CCR7: variants seen among roughly 807,000 people sequenced by gnomAD.
CCR7 encodes C-C motif chemokine receptor 7.
Under a neutral mutation model 26.0 loss-of-function variants are expected in CCR7, and 11 were observed. The observed-to-expected ratio is 0.42, with a 90% CI of 0.27 to 0.70. CCR7 has a LOEUF of 0.70. CCR7 is among the 30% of genes least tolerant of loss of function. CCR7 has a pLI of 0.23. For missense variants in CCR7, 360 were observed against 504.0 expected, an observed-to-expected ratio of 0.71 and a Z score of 2.74; for synonymous variants, 189 against 202.1, an observed-to-expected ratio of 0.94 and a Z score of 0.55.
chr17:40,561,387 G>A (rs991383342), intron 1 of CCR7, among the ~76,000 whole-genome samples: 3 of 152,152 alleles, frequency 2.0e-5, no homozygotes, highest in Admixed American at 1.3e-4. Flanking sequence ...AAGGGAGCCT[G>A]GTCAGTGGCC....
chr17:40,555,057 G>A lies in CCR7; in HGVS notation c.822C>T (p.Val274=). The A allele has an allele frequency of 6.2e-7, 1 of 1,614,214 alleles. No homozygotes were observed. Among genetic ancestry groups the A allele is most frequent in the Non-Finnish European group, 8.5e-7 (1 of 1,180,040 alleles). Residue 274 remains valine (V), a synonymous_variant, in exon 3 of 3, where the codon GTC becomes GTT. Transcript: ENST00000246657. This position sits in a 1 kb window ranked among gnomAD's most constrained non-coding sequence, Gnocchi z 5.6. ...CCACCCCATTGTAGGGCAGCTGGAA[G>A]ACTATGAAGACCACGACCACAGCGA... ...VIIAVVVVFI[V]FQLPYNGVVL...
At position 40,555,014 on chromosome 17, in the gene CCR7, C is replaced by T; in HGVS notation, c.865G>A (p.Ala289Thr). ...GTGCTACTGGTGATGTTGAAGTTGG[C>T]CACCGTCTGGGCCAGGACCACCCCA... is the stretch of plus-strand genomic sequence containing the variant. The part of the protein sequence containing the change: ...YNGVVLAQTV[A>T]NFNITSSTCE... Residue 289 changes from alanine to threonine, a missense_variant, in exon 3 of 3, where the codon GCC (alanine) becomes ACC (threonine). Transcript: ENST00000246657. The surrounding 1 kb of genome is among the most constrained non-coding windows in gnomAD (Gnocchi z 5.6). 1 of 1,614,180 alleles carries T rather than the reference C, an allele frequency of 6.2e-7. No homozygotes were observed. Among genetic ancestry groups the T allele is most frequent in the Non-Finnish European group, 8.5e-7 (1 of 1,180,044 alleles).
intron 1 of CCR7, among the ~76,000 whole-genome samples, chr17:40,559,406 G>A (rs1036193478): frequency 2.0e-5 from 3 of 152,238 alleles, no homozygotes; most frequent in African/African-American, 7.2e-5. Context: ...GTAGCCACTG[G>A]CCCAGGAGCA....
At chr17:40,565,136 A>G (rs1258319177) in intron 1 of CCR7, among the ~76,000 whole-genome samples, 1 of 152,026 alleles carries the variant, frequency 6.6e-6, no homozygotes, top group Non-Finnish European at 1.5e-5. Context: ...CTGTTTTAGA[A>G]AGACATGATC....
chr17:40,560,552 G>C (rs1029181441), intron 1 of CCR7: 3 of 152,278 alleles, frequency 2.0e-5, no homozygotes, highest in Non-Finnish European at 4.4e-5. Context: ...AGTTCCTCCG[G>C]GAAGGAGAGA....
intron 1 of CCR7, among the ~76,000 whole-genome samples, chr17:40,562,498 G>A (rs2036666020): frequency 1.3e-5 from 2 of 152,146 alleles, no homozygotes; most frequent in African/African-American, 2.4e-5. Flanking sequence ...AAAAGAGCCG[G>A]CCCCACCTCT....
chr17:40,559,013 G>A (rs908516002), intron 1 of CCR7, 71 bp from the exon 2 acceptor site: 1 of 1,293,380 alleles, frequency 7.7e-7, no homozygotes, highest in Non-Finnish European at 1.1e-6. Flanking sequence ...AAGCAGTGGA[G>A]GGGGAGACGC....
intron 1 of CCR7, 108 bp from the exon 2 acceptor site, chr17:40,559,050 A>G: frequency 1.1e-6 from 1 of 870,534 alleles, no homozygotes; most frequent in Non-Finnish European, 1.8e-6. Context: ...CCCAAGCTCC[A>G]GGCACTGTGT....
At chr17:40,559,064 C>G (rs1004822486) in intron 1 of CCR7, 122 bp from the exon 2 acceptor site, 1 of 768,844 alleles carries the variant, frequency 1.3e-6, no homozygotes, top group African/African-American at 1.8e-5. Flanking sequence ...ACTGTGTTTG[C>G]TGAAAGAGAA....
At position 40,558,917 on chromosome 17, in the gene CCR7, C is replaced by G. The variant is rs768892070; in HGVS notation, c.36G>C (p.Val12=). Residue 12 remains valine, a synonymous_variant, in exon 2 of 3, where the codon GTG becomes GTC. Coordinates refer to ENST00000246657, the MANE Select transcript of CCR7 (RefSeq NM_001838.4). ...DLGKPMKSVL[V]VALLVIFQVC... The stretch of plus-strand genomic sequence containing the variant: ...CCTGGAAAATGACAAGGAGAGCCAC[C>G]ACCAGCACGCTTTTCATTGGTTTCC... The G allele has an allele frequency of 6.2e-7, 1 of 1,613,278 alleles. No homozygotes were observed. The highest frequency in any genetic ancestry group is 1.3e-5 in the African/African-American group (1 of 74,950).
At chr17:40,565,142 T>C (rs1200126824) in intron 1 of CCR7, among the ~76,000 whole-genome samples, 1 of 152,078 alleles carries the variant, frequency 6.6e-6, no homozygotes, top group Non-Finnish European at 1.5e-5. Context: ...TAGAAAGACA[T>C]GATCTCGGCC....
Position 40,565,443 on chromosome 17 carries a change from G to C in CCR7, c.-34C>G. On this transcript the variant is annotated 5_prime_UTR_variant, in exon 1 of 3. Coordinates refer to ENST00000246657, the MANE Select transcript of CCR7 (RefSeq NM_001838.4). ...CTGGGCGGTAAAACCACACAGGAAG[G>C]CTGTGCCCGGCCTCGCACTACCCCT... 1 of 1,611,240 alleles carries C rather than the reference G, an allele frequency of 6.2e-7. No homozygotes were observed. Among genetic ancestry groups the C allele is most frequent in the Non-Finnish European group, 8.5e-7 (1 of 1,177,400 alleles).
chr17:40,554,371 G>C lies in CCR7; in HGVS notation c.*371C>G, dbSNP rs567074162. On this transcript the variant is annotated 3_prime_UTR_variant, in exon 3 of 3. Coordinates refer to ENST00000246657, the MANE Select transcript of CCR7 (RefSeq NM_001838.4). ...ATTTGAGTCTGTGGGAGGCCAGAAG[G>C]TTCATTCAGAGGACTCTTCAGGCCA... 5.1e-6 allele frequency: 1 copy of C among 195,166 alleles called. No individual in the cohort carries two copies. Among genetic ancestry groups the C allele is most frequent in the Admixed American group, 5.4e-5 (1 of 18,618 alleles). 12.1% of individuals were successfully genotyped at this position (195,166 alleles called of 1,614,324 possible).
chr17:40,559,705 A>G (rs1357655134), intron 1 of CCR7, among the ~76,000 whole-genome samples: 1 of 152,224 alleles, frequency 6.6e-6, no homozygotes, highest in East Asian at 1.9e-4. Context: ...GCAGGCCCAG[A>G]ATTGAGGAGG....
In CCR7 at chr17:40,557,638, C is replaced by T. The variant is rs115658939; in HGVS notation, c.60+1255G>A. Among the ~76,000 whole-genome samples the T allele has an allele frequency of 3.2e-3, 486 of 152,310 alleles. 2 individuals carry two copies. Among genetic ancestry groups the T allele is most frequent in the African/African-American group, 0.011 (460 of 41,564 alleles). Reference sequence around the variant, plus strand: ...TGGTTACGGCCCAAGGCCTTAGACCCGGGGTCCCTGGACATGAGGGGGTCT... The same window carrying T: ...TGGTTACGGCCCAAGGCCTTAGACCTGGGGTCCCTGGACATGAGGGGGTCT... On this transcript the variant is annotated intron_variant, in intron 2 of 2. Coordinates refer to ENST00000246657, the MANE Select transcript of CCR7 (RefSeq NM_001838.4).
In CCR7 at chr17:40,555,614, G is replaced by T; in HGVS notation, c.265C>A (p.Leu89Ile). The T allele has an allele frequency of 1.2e-6, 2 of 1,614,150 alleles. No homozygotes were observed. The highest frequency in any genetic ancestry group is 1.7e-6 in the Non-Finnish European group (2 of 1,180,026). ...VVLTYIYFKR[L>I]KTMTDTYLLN... is the part of the protein sequence containing the mutation. ...AGGTAGGTATCGGTCATGGTCTTGA[G>T]CCTCTTGAAATAGATATAGGTCAAC... Residue 89 changes from leucine to isoleucine, a missense_variant, in exon 3 of 3, where the codon CTC becomes ATC. Physicochemically the swap from Leu to Ile is conservative, Grantham distance 5. Transcript: ENST00000246657. This position sits in a 1 kb window ranked among gnomAD's most constrained non-coding sequence, Gnocchi z 5.6.
intron 1 of CCR7, among the ~76,000 whole-genome samples, chr17:40,563,693 G>A (rs1291207694): frequency 2.0e-5 from 3 of 152,068 alleles, no homozygotes; most frequent in Admixed American, 6.5e-5. Context: ...GGGTTTGACC[G>A]TTGGGGCTCT....
chr17:40,554,471 T>G lies in CCR7; in HGVS notation c.*271A>C. 4 of 434,688 alleles carry G rather than the reference T, an allele frequency of 9.2e-6. No individual in the cohort carries two copies. Among genetic ancestry groups the G allele is most frequent in the Non-Finnish European group, 8.2e-6 (2 of 242,742 alleles). 26.9% of individuals were successfully genotyped at this position (434,688 alleles called of 1,614,324 possible). Reference sequence around the variant, plus strand: ...TGGGAACAGTTTCTGGACTTTCACTTTCAGTTTTTGGTTTAGGGGACAATA... The same window carrying G: ...TGGGAACAGTTTCTGGACTTTCACTGTCAGTTTTTGGTTTAGGGGACAATA... On this transcript the variant is annotated 3_prime_UTR_variant, in exon 3 of 3. Coordinates refer to ENST00000246657, the MANE Select transcript of CCR7 (RefSeq NM_001838.4).
rs764096669 is a variant in CCR7 at position 40,555,543 on chromosome 17, G to A, written c.336C>T (p.Pro112=). The A allele has an allele frequency of 3.3e-5, 53 of 1,614,036 alleles. No individual in the cohort carries two copies. The highest frequency in any genetic ancestry group is 4.3e-5 in the Non-Finnish European group (51 of 1,180,034). ...VADILFLLTL[P]FWAYSAAKSW... is the part of the protein sequence containing the mutation. ...ACTTGGCCGCGCTGTAGGCCCAGAAGGGAAGGGTCAGGAGGAAGAGGATGT... is the reference window on the plus strand; with the variant it reads ...ACTTGGCCGCGCTGTAGGCCCAGAAAGGAAGGGTCAGGAGGAAGAGGATGT... The change falls in exon 3 of 3, where the codon CCC becomes CCT. Residue 112 remains proline (P), a synonymous_variant. Coordinates refer to ENST00000246657, the MANE Select transcript of CCR7 (RefSeq NM_001838.4). The surrounding 1 kb of genome is among the most constrained non-coding windows in gnomAD (Gnocchi z 5.6).
Sources: allele counts gnomAD v4.1 joint callset (sites outside exome capture counted in the v4.1 genomes callset), GRCh38; gene constraint gnomAD v4.1.1; non-coding constraint Gnocchi (gnomAD v3.1); transcripts MANE v1.5; gene names NCBI Gene and HGNC (gene_info 2026-07-23, HGNC 2026-07-21).